CYRIA: variants seen among roughly 807,000 people sequenced by gnomAD.
The protein encoded by CYRIA is CYFIP related Rac1 interactor A, also known as CYFIP-related Rac1 interactor A.
A neutral mutation model predicts 43.9 loss-of-function variants in CYRIA; 15 were observed. The observed-to-expected ratio is 0.34, with a 90% CI of 0.23 to 0.53. The LOEUF is 0.53. Ranked by LOEUF, CYRIA falls within the 20% of genes least tolerant of loss-of-function variation. The pLI is 0.94. For synonymous variants in CYRIA, 117 were observed against 136.0 expected (o/e 0.86, Z 0.97); for missense variants, 236 against 394.2 (o/e 0.60, Z 3.40).
intron 1 of CYRIA, among the ~76,000 whole-genome samples, chr2:16,642,132 C>T (rs371816840): frequency 6.6e-6 from 1 of 152,258 alleles, no homozygotes; most frequent in East Asian, 1.9e-4. Flanking sequence ...TTCACACCTT[C>T]AAATATCATC....
chr2:16,582,324 T>A (rs1275023780), intron 3 of CYRIA, among the ~76,000 whole-genome samples: 3 of 152,162 alleles, frequency 2.0e-5, no homozygotes, highest in South Asian at 4.1e-4. Flanking sequence ...AATCCTTTTT[T>A]AAAAACAAAA....
In CYRIA at chr2:16,552,596, G is replaced by C. The variant is rs1666354499; in HGVS notation, c.*340C>G. 5.1e-6 allele frequency: 1 copy of C among 195,910 alleles called. No homozygotes were observed. The highest frequency in any genetic ancestry group is 1.0e-5 in the Non-Finnish European group (1 of 96,982). The allele number at this position is 195,910 out of a possible 1,614,324, so 12.1% of individuals were successfully genotyped here. ...GTGTTTCTATAAACTATACTTCCCA[G>C]AGAGATAACACATCTAGAATTAAAA... On this transcript the variant is annotated 3_prime_UTR_variant, in exon 12 of 12. Coordinates refer to ENST00000381323, the MANE Select transcript of CYRIA (RefSeq NM_030797.4).
chr2:16,584,073 C>T (rs1667642910), intron 3 of CYRIA, among the ~76,000 whole-genome samples: 2 of 152,166 alleles, frequency 1.3e-5, no homozygotes, highest in Non-Finnish European at 2.9e-5. Flanking sequence ...GCTGTTCAGC[C>T]TTCCTCCTTC....
rs1666714436 is a variant in CYRIA, at chr2:16,561,187, T to G, written c.604A>C (p.Asn202His). 1 of 1,613,822 alleles carries G rather than the reference T, an allele frequency of 6.2e-7. No individual in the cohort carries two copies. The highest frequency in any genetic ancestry group is 8.5e-7 in the Non-Finnish European group (1 of 1,179,772). The change falls in exon 8 of 12, where the codon AAT becomes CAT. Residue 202 changes from asparagine (N) to histidine (H), a missense_variant. Coordinates refer to ENST00000381323, the MANE Select transcript of CYRIA (RefSeq NM_030797.4). Reference protein sequence around the residue: ...EATPMLKTLSNATMHFVSENK... With the variant: ...EATPMLKTLSHATMHFVSENK... ...TCAGAGACAAAGTGCATTGTGGCAT[T>G]GCTAAGGGTTTTCAGCATTGGCGTG...
chr2:16,559,364 C>T, intron 10 of CYRIA, 96 bp downstream of exon 10: 1 of 1,394,178 alleles, frequency 7.2e-7, no homozygotes, highest in Non-Finnish European at 9.7e-7. Flanking sequence ...AGATCACTCT[C>T]AGTGGAGAGG....
intron 2 of CYRIA, among the ~76,000 whole-genome samples, chr2:16,615,691 C>T (rs1375966213): frequency 6.6e-6 from 1 of 152,214 alleles, no homozygotes; most frequent in Non-Finnish European, 1.5e-5. Flanking sequence ...TTCAACTCTC[C>T]ACAAAAATAT....
chr2:16,648,999 T>C (rs1166177177), intron 1 of CYRIA, among the ~76,000 whole-genome samples: 1 of 152,218 alleles, frequency 6.6e-6, no homozygotes, highest in African/African-American at 2.4e-5. Context: ...TAAAAGATTT[T>C]ATAGTCAGCC....
chr2:16,649,655 T>G (rs1016290360), intron 1 of CYRIA, among the ~76,000 whole-genome samples: 3 of 151,674 alleles, frequency 2.0e-5, no homozygotes, highest in Non-Finnish European at 1.5e-5. Context: ...GGCATGATTG[T>G]ACAGCACAGG....
chr2:16,589,211 T>G (rs1196111002), intron 2 of CYRIA, among the ~76,000 whole-genome samples: 1 of 152,122 alleles, frequency 6.6e-6, no homozygotes, highest in Non-Finnish European at 1.5e-5. Context: ...GAAAAATTAC[T>G]GAACTGGTGC....
intron 3 of CYRIA, among the ~76,000 whole-genome samples, chr2:16,576,213 A>G (rs546429685): frequency 6.6e-6 from 1 of 152,312 alleles, no homozygotes; most frequent in South Asian, 2.1e-4. Flanking sequence ...GGATCATTAG[A>G]TTCAGAAAGC....
In CYRIA at chr2:16,588,127, A is replaced by C. The variant is rs764790461; in HGVS notation, c.-8T>G. ...TTTGAGCAGGTTTCCCATCCCAGCAAACCTAGGAAAGGCAACACAAAACCA... is the reference window on the plus strand; with the variant it reads ...TTTGAGCAGGTTTCCCATCCCAGCACACCTAGGAAAGGCAACACAAAACCA... On this transcript the variant is annotated splice_region_variant and 5_prime_UTR_variant, in exon 3 of 12. Coordinates refer to ENST00000381323, the MANE Select transcript of CYRIA (RefSeq NM_030797.4). 49 of 1,601,540 alleles carry C rather than the reference A, an allele frequency of 3.1e-5. No homozygotes were observed. The South Asian group carries it at 5.4e-4, about 18-fold the overall frequency.
intron 2 of CYRIA, among the ~76,000 whole-genome samples, chr2:16,604,520 A>G (rs1490171447): frequency 6.6e-6 from 1 of 152,252 alleles, no homozygotes; most frequent in Non-Finnish European, 1.5e-5. Context: ...AACCCCGTTT[A>G]CAACATGTAC....
At chr2:16,563,686 T>G (rs1006578881) in intron 5 of CYRIA, among the ~76,000 whole-genome samples, 11 of 152,220 alleles carry the variant, frequency 7.2e-5, no homozygotes, top group African/African-American at 2.4e-4. Context: ...AACTTCTCTG[T>G]TATTCAGAAA....
chr2:16,610,934 A>ATATATATATATATATATC (rs1668575459), intron 2 of CYRIA, among the ~76,000 whole-genome samples: 1 of 122,798 alleles, frequency 8.1e-6, no homozygotes, highest in East Asian at 2.5e-4. Flanking sequence ...ATATATATAT[A>ATATATATATATATATATC]TATCCTGTAT....
chr2:16,629,896 G>A (rs12615844), intron 1 of CYRIA, among the ~76,000 whole-genome samples: 19,760 of 152,132 alleles, frequency 0.13, 1,956 homozygotes, highest in East Asian at 0.52. Flanking sequence ...CCTAGAAAAG[G>A]AAAGGATTTG....
At chr2:16,606,906 G>A (rs1004286970) in intron 2 of CYRIA, among the ~76,000 whole-genome samples, 22 of 151,980 alleles carry the variant, frequency 1.4e-4, no homozygotes, top group African/African-American at 4.8e-4. Context: ...TTGCTCCCAG[G>A]TCAAATTTAT....
At chr2:16,563,930 C>G in intron 5 of CYRIA, 59 bp downstream of exon 5, 1 of 1,308,850 alleles carries the variant, frequency 7.6e-7, no homozygotes, top group Non-Finnish European at 1.1e-6. Context: ...CCACTACCTA[C>G]TCAAACATCA....
intron 2 of CYRIA, among the ~76,000 whole-genome samples, chr2:16,599,950 T>G (rs946730474): frequency 3.9e-5 from 6 of 152,152 alleles, no homozygotes; most frequent in Non-Finnish European, 8.8e-5. Flanking sequence ...AGAGACGGGT[T>G]TCACCATGTT....
chr2:16,593,948 A>G (rs1370917913), intron 2 of CYRIA, among the ~76,000 whole-genome samples: 6 of 121,510 alleles, frequency 4.9e-5, no homozygotes, highest in African/African-American at 1.9e-4. Context: ...TCATTGTTCA[A>G]TTCCCACCTA....
Sources: gnomAD v4.1 joint callset for allele counts (sites outside exome capture counted in the v4.1 genomes callset) on GRCh38, gnomAD v4.1.1 for gene constraint, MANE v1.5 for transcripts, NCBI Gene and HGNC (gene_info 2026-07-23, HGNC 2026-07-21) for gene names.